CADM2: variants seen among roughly 807,000 people sequenced by gnomAD.
CADM2 encodes immunoglobulin superfamily member 4D.
CADM2 carries 12 observed loss-of-function variants against 49.8 expected under a neutral mutation model. The observed-to-expected ratio is 0.24, with a 90% CI of 0.15 to 0.39. CADM2 has a LOEUF of 0.39. Among genes scored for constraint, CADM2 ranks in the 10% least tolerant of loss-of-function variants. The pLI, the probability that CADM2 is intolerant of heterozygous loss-of-function variation, is 1.00. For missense variants in CADM2, 378 were observed against 492.3 expected (o/e 0.77, Z 2.20); for synonymous variants, 214 against 175.4 (o/e 1.22, Z -1.74).
At chr3:85,184,308 CTT>C (rs1233435624) in intron 1 of CADM2, among the ~76,000 whole-genome samples, 2 of 152,080 alleles carry the variant, frequency 1.3e-5, no homozygotes, top group Non-Finnish European at 2.9e-5. Flanking sequence ...GTAGGCAACT[CTT>C]TTGGTAAGTG....
At chr3:85,028,455 T>C (rs1170670085) in intron 1 of CADM2, among the ~76,000 whole-genome samples, 1 of 152,146 alleles carries the variant, frequency 6.6e-6, no homozygotes, top group Non-Finnish European at 1.5e-5. Context: ...TTTGTTGTTT[T>C]ATGTTAGAAC....
At chr3:85,916,500 C>A (rs1437520207) in intron 6 of CADM2, among the ~76,000 whole-genome samples, 1 of 151,842 alleles carries the variant, frequency 6.6e-6, no homozygotes, top group Admixed American at 6.6e-5. Context: ...AGGACATGAA[C>A]TCATCATTTT....
intron 2 of CADM2, among the ~76,000 whole-genome samples, chr3:85,727,651 G>A (rs543320867): frequency 2.6e-5 from 4 of 152,086 alleles, no homozygotes; most frequent in Non-Finnish European, 5.9e-5. Flanking sequence ...ATAATGAAAG[G>A]ATGAGAAGTG....
At chr3:85,372,907 C>A (rs2033354831) in intron 1 of CADM2, among the ~76,000 whole-genome samples, 1 of 152,070 alleles carries the variant, frequency 6.6e-6, no homozygotes, top group African/African-American at 2.4e-5. Context: ...GAAACCTACC[C>A]CCATGATTCT....
intron 8 of CADM2, among the ~76,000 whole-genome samples, chr3:86,005,978 T>C (rs1160630628): frequency 6.6e-6 from 1 of 152,172 alleles, no homozygotes; most frequent in Non-Finnish European, 1.5e-5. Flanking sequence ...GTGTTTATCT[T>C]TCGTGCCTGG....
chr3:85,850,806 C>T (rs1228395293), intron 3 of CADM2, among the ~76,000 whole-genome samples: 2 of 152,092 alleles, frequency 1.3e-5, no homozygotes, highest in Non-Finnish European at 2.9e-5. Context: ...TTTGAGTAAG[C>T]TTTGTGAAAG....
At chr3:85,942,084 CAAT>C (rs1721983552) in intron 7 of CADM2, among the ~76,000 whole-genome samples, 1 of 151,968 alleles carries the variant, frequency 6.6e-6, no homozygotes, top group African/African-American at 2.4e-5. Flanking sequence ...GTATTAACAA[CAAT>C]GATGATTGTA....
intron 8 of CADM2, among the ~76,000 whole-genome samples, chr3:85,991,156 C>G (rs1728730619): frequency 6.6e-6 from 1 of 152,138 alleles, no homozygotes; most frequent in South Asian, 2.1e-4. Flanking sequence ...TAAAATAACT[C>G]TTATCTTCAT....
intron 1 of CADM2, among the ~76,000 whole-genome samples, chr3:85,015,396 C>G (rs1434647938): frequency 6.6e-6 from 1 of 152,084 alleles, no homozygotes; most frequent in Non-Finnish European, 1.5e-5. Flanking sequence ...AATGAATTTT[C>G]TTCATGATTA....
intron 1 of CADM2, among the ~76,000 whole-genome samples, chr3:85,706,153 G>A (rs1303074868): frequency 6.6e-6 from 1 of 152,032 alleles, no homozygotes. Flanking sequence ...CTGATTCATT[G>A]TGTCTATTAT....
chr3:85,787,487 G>A (rs998165381), intron 2 of CADM2, among the ~76,000 whole-genome samples: 1 of 152,050 alleles, frequency 6.6e-6, no homozygotes, highest in Admixed American at 6.6e-5. Flanking sequence ...TGGACAAGGG[G>A]TATTGGTTCC....
chr3:85,557,348 A>G (rs1353229414), intron 1 of CADM2, among the ~76,000 whole-genome samples: 1 of 151,970 alleles, frequency 6.6e-6, no homozygotes, highest in Middle Eastern at 3.2e-3. Context: ...GAACAAAGTA[A>G]GAATGAAAAT....
chr3:85,948,208 G>T (rs1577743564), intron 7 of CADM2, among the ~76,000 whole-genome samples: 1 of 151,422 alleles, frequency 6.6e-6, no homozygotes, highest in African/African-American at 2.4e-5. Flanking sequence ...TAGAAAGTTT[G>T]CAGAAAAATG....
chr3:85,225,311 A>C lies in CADM2; in HGVS notation c.61+265643A>C, dbSNP rs186045213. ...GTTTGTAGTTCTCCTTGAAGAGGTC[A>C]TTCACATCCCTTGTAAGTTGGATTC... On this transcript the variant is annotated intron_variant, in intron 1 of 9. Coordinates refer to ENST00000383699, the MANE Select transcript of CADM2 (RefSeq NM_001167675.2). Among the ~76,000 whole-genome samples, 293 of 152,178 alleles carry C rather than the reference A, an allele frequency of 1.9e-3. 2 individuals carry two copies. Among genetic ancestry groups the C allele is most frequent in the African/African-American group, 6.7e-3 (279 of 41,542 alleles).
In CADM2 at chr3:85,667,575, A is replaced by G. The variant is rs149783117; in HGVS notation, c.62-58947A>G. ...GAGAACACAATTTGCATTCCTAAAGACCTAATTCAGGATAACTCTAGGGGG... is the reference window on the plus strand; with the variant it reads ...GAGAACACAATTTGCATTCCTAAAGGCCTAATTCAGGATAACTCTAGGGGG... On this transcript the variant is annotated intron_variant, in intron 1 of 9. Coordinates refer to ENST00000383699, the MANE Select transcript of CADM2 (RefSeq NM_001167675.2). 8.0e-4 allele frequency among the ~76,000 whole-genome samples: 121 copies of G among 152,088 alleles called. 1 individual carries two copies. The highest frequency in any genetic ancestry group is 2.8e-3 in the African/African-American group (117 of 41,516).
chr3:85,879,832 A>G (rs1235469655), intron 3 of CADM2, among the ~76,000 whole-genome samples: 1 of 152,066 alleles, frequency 6.6e-6, no homozygotes, highest in Non-Finnish European at 1.5e-5. Context: ...TTTTACATGT[A>G]TTTATTTTTG....
chr3:85,360,957 T>C (rs2032314056), intron 1 of CADM2, among the ~76,000 whole-genome samples: 1 of 152,198 alleles, frequency 6.6e-6, no homozygotes, highest in Non-Finnish European at 1.5e-5. Flanking sequence ...TTGCTCATGC[T>C]GCCACCTGCA....
intron 1 of CADM2, among the ~76,000 whole-genome samples, chr3:85,174,986 A>T (rs1173420171): frequency 6.6e-6 from 1 of 152,188 alleles, no homozygotes; most frequent in Non-Finnish European, 1.5e-5. Flanking sequence ...ATTTCTTTTG[A>T]AGAAGATATA....
intron 4 of CADM2, among the ~76,000 whole-genome samples, chr3:85,885,265 G>A (rs1371691603): frequency 6.6e-6 from 1 of 151,704 alleles, no homozygotes; most frequent in Non-Finnish European, 1.5e-5. Flanking sequence ...GGCCAGGCAC[G>A]GTGGCTCTTG....
Sources: allele counts gnomAD v4.1 joint callset (sites outside exome capture counted in the v4.1 genomes callset), GRCh38; gene constraint gnomAD v4.1.1; transcripts MANE v1.5; gene names NCBI Gene and HGNC (gene_info 2026-07-23, HGNC 2026-07-21).